ZNF559: variants seen among roughly 807,000 people sequenced by gnomAD.
ZNF559 encodes the protein putative protein product of Nbla00121.
A neutral mutation model predicts 14.2 loss-of-function variants in ZNF559; 17 were observed. The observed-to-expected ratio is 1.20, with a 90% CI of 0.82 to 1.80. ZNF559 has a LOEUF of 1.80. ZNF559 is among the 40% of genes most tolerant of loss of function. The pLI, the probability that ZNF559 is intolerant of heterozygous loss-of-function variation, is 0.00. For missense variants in ZNF559, 740 were observed against 629.7 expected, an observed-to-expected ratio of 1.18 and a Z score of -1.88; for synonymous variants, 244 against 212.4, an observed-to-expected ratio of 1.15 and a Z score of -1.29.
At chr19:9,324,115 C>T, upstream of ZNF559, 13 of 1,522,428 alleles carry the variant, frequency 8.5e-6, no homozygotes, top group South Asian at 1.4e-4. Flanking sequence ...GGCCCGGGAA[C>T]CCGAGGCCCC....
intron 1 of ZNF559, 88 bp downstream of exon 1, chr19:9,324,316 A>G: frequency 6.5e-7 from 1 of 1,535,046 alleles, no homozygotes; most frequent in Non-Finnish European, 8.7e-7. Context: ...TGCCCAGTGA[A>G]ATGGAGCCTG....
At chr19:9,334,832 A>G (rs967056029) in intron 2 of ZNF559, among the ~76,000 whole-genome samples, 2 of 152,160 alleles carry the variant, frequency 1.3e-5, no homozygotes, top group African/African-American at 4.8e-5. Flanking sequence ...GTTTTTTAGA[A>G]GTATAAAATT....
In ZNF559 at chr19:9,342,097, A is replaced by G. The variant is rs2067610467; in HGVS notation, c.646A>G (p.Lys216Glu). The change falls in exon 7 of 7, where the codon AAG becomes GAG. Residue 216 changes from lysine (K) to glutamate (E), a missense_variant. Transcript: ENST00000603380. ...TGGTGGAGAGAGACCATATACTCAT[A>G]AGGAGTATGTCGAAACCTTTTCTCA... ...IYGGERPYTH[K>E]EYVETFSHST... 6.2e-7 allele frequency: 1 copy of G among 1,613,380 alleles called. No individual in the cohort carries two copies. Among genetic ancestry groups the G allele is most frequent in the African/African-American group, 1.3e-5 (1 of 75,000 alleles).
chr19:9,329,658 G>C (rs910192788), intron 2 of ZNF559, among the ~76,000 whole-genome samples: 2 of 152,108 alleles, frequency 1.3e-5, no homozygotes, highest in African/African-American at 4.8e-5. Flanking sequence ...CCAGGAGATA[G>C]TTGGATCTTG....
At chr19:9,327,873 C>A (rs558315965) in intron 2 of ZNF559, among the ~76,000 whole-genome samples, 32 of 152,248 alleles carry the variant, frequency 2.1e-4, no homozygotes, top group Admixed American at 1.1e-3. Context: ...TGACACAACT[C>A]TACTAATCTG....
At position 9,339,160 on chromosome 19, in the gene ZNF559, T is replaced by G. The variant is rs1441888604; in HGVS notation, c.34-33T>G. On this transcript the variant is annotated intron_variant, in intron 4 of 6. Coordinates refer to ENST00000603380, the MANE Select transcript of ZNF559 (RefSeq NM_032497.3). ...CCAGTCAACATAGTGGAGAACGTAC[T>G]TGCCTGACGCCAGCATGTGTGTGAT... The G allele has an allele frequency of 2.5e-6, 4 of 1,612,066 alleles. No individual in the cohort carries two copies. In the African/African-American group the frequency reaches 5.3e-5, roughly 22 times the overall value.
intron 2 of ZNF559, among the ~76,000 whole-genome samples, chr19:9,326,868 A>G (rs2066634957): frequency 6.6e-6 from 1 of 152,214 alleles, no homozygotes; most frequent in Admixed American, 6.5e-5. Context: ...TAGATTAACA[A>G]ACCCAGGTTG....
In ZNF559 at chr19:9,325,472, T is replaced by G. The variant is rs141528003; in HGVS notation, c.-120+692T>G. 2.4e-3 allele frequency among the ~76,000 whole-genome samples: 366 copies of G among 150,896 alleles called. 5 individuals carry two copies. Among genetic ancestry groups the G allele is most frequent in the African/African-American group, 8.5e-3 (347 of 40,956 alleles). On this transcript the variant is annotated intron_variant, in intron 2 of 6. Coordinates refer to ENST00000603380, the MANE Select transcript of ZNF559 (RefSeq NM_032497.3). The stretch of plus-strand genomic sequence containing the variant: ...GAAGAAAAAAAAACAAATACTGATC[T>G]AGAGAACATCTGTAGCTCGAGTAAA...
At position 9,342,648 on chromosome 19, in the gene ZNF559, C is replaced by T. The variant is rs2067636056; in HGVS notation, c.1197C>T (p.His399=). ...AFINSSSFKS[H]MQTHPGVKPY... is the part of the protein sequence containing the mutation. ...TTAATTCCTCTTCCTTTAAAAGTCA[C>T]ATGCAGACTCATCCTGGTGTAAAAC... Residue 399 remains histidine, a synonymous_variant, in exon 7 of 7, where the codon CAC becomes CAT. Coordinates refer to ENST00000603380, the MANE Select transcript of ZNF559 (RefSeq NM_032497.3). The T allele has an allele frequency of 1.9e-6, 3 of 1,614,116 alleles. No homozygotes were observed. The highest frequency in any genetic ancestry group is 3.3e-4 in the Middle Eastern group (2 of 6,060).
chr19:9,326,014 CAA>C (rs1465068765), intron 2 of ZNF559, among the ~76,000 whole-genome samples: 1 of 151,790 alleles, frequency 6.6e-6, no homozygotes, highest in Admixed American at 6.6e-5. Context: ...CCCAGCTGTC[CAA>C]AAGTCACCAT....
chr19:9,343,372 GAA>G lies in ZNF559; in HGVS notation c.*306_*307del, dbSNP rs1568370515. 7 of 1,133,118 alleles carry G rather than the reference GAA, an allele frequency of 6.2e-6. No individual in the cohort carries two copies. The highest frequency in any genetic ancestry group is 7.6e-6 in the Non-Finnish European group (7 of 921,770). The allele number at this position is 1,133,118 out of a possible 1,614,324, so 70.2% of individuals were successfully genotyped here. On this transcript the variant is annotated 3_prime_UTR_variant, in exon 7 of 7. Transcript: ENST00000603380. ...AGTCTGTTTGAACTCATGCTGGAGA[GAA>G]ATGCTATGAATGTGAGGAAGGTGGA...
At position 9,342,098 on chromosome 19, in the gene ZNF559, A is replaced by C; in HGVS notation, c.647A>C (p.Lys216Thr). 2 of 1,613,398 alleles carry C rather than the reference A, an allele frequency of 1.2e-6. No individual in the cohort carries two copies. The highest frequency in any genetic ancestry group is 8.5e-7 in the Non-Finnish European group (1 of 1,179,800). ...GGTGGAGAGAGACCATATACTCATAAGGAGTATGTCGAAACCTTTTCTCAT... is the reference window on the plus strand; with the variant it reads ...GGTGGAGAGAGACCATATACTCATACGGAGTATGTCGAAACCTTTTCTCAT... ...IYGGERPYTH[K>T]EYVETFSHST... Residue 216 changes from lysine (K) to threonine (T), a missense_variant, in exon 7 of 7, where the codon AAG (lysine) becomes ACG (threonine). Transcript: ENST00000603380.
chr19:9,324,395 C>T, intron 1 of ZNF559, 167 bp downstream of exon 1: 1 of 1,480,386 alleles, frequency 6.8e-7, no homozygotes, highest in South Asian at 1.3e-5. Flanking sequence ...CCTCTGAGAG[C>T]CACAGTCAGG....
Position 9,343,956 on chromosome 19 carries a change from AT to A in ZNF559, c.*892del. The A allele has an allele frequency of 2.7e-6, 1 of 363,828 alleles. No individual in the cohort carries two copies. The highest frequency in any genetic ancestry group is 3.8e-6 in the Non-Finnish European group (1 of 262,134). 22.5% of individuals were successfully genotyped at this position (363,828 alleles called of 1,614,324 possible). ...CTACACTTCCCTAGTCTTTAAAACA[AT>A]TTTAGGCTGGGTGCAGTGGCTCATT... is the stretch of plus-strand genomic sequence containing the variant. On this transcript the variant is annotated 3_prime_UTR_variant, in exon 7 of 7. Transcript: ENST00000603380.
At chr19:9,331,724 A>G (rs1436652087) in intron 2 of ZNF559, among the ~76,000 whole-genome samples, 3 of 152,216 alleles carry the variant, frequency 2.0e-5, no homozygotes, top group African/African-American at 7.2e-5. Flanking sequence ...TGCAATTATT[A>G]GCTTGATTAT....
chr19:9,327,138 T>C (rs561119246), intron 2 of ZNF559, among the ~76,000 whole-genome samples: 127 of 152,370 alleles, frequency 8.3e-4, no homozygotes, highest in African/African-American at 2.6e-3. Context: ...TGTATAGTCA[T>C]GTTTTTCTTA....
At chr19:9,329,660 T>C (rs941806325) in intron 2 of ZNF559, among the ~76,000 whole-genome samples, 1 of 152,162 alleles carries the variant, frequency 6.6e-6, no homozygotes, top group Non-Finnish European at 1.5e-5. Flanking sequence ...AGGAGATAGT[T>C]GGATCTTGTT....
intron 2 of ZNF559, among the ~76,000 whole-genome samples, chr19:9,329,087 G>A (rs200333024): frequency 4.1e-5 from 1 of 24,490 alleles, no homozygotes; most frequent in African/African-American, 3.2e-4. Flanking sequence ...TTTTTGGGCT[G>A]GGGGTTTGAA....
At chr19:9,325,786 C>A (rs1478010318) in intron 2 of ZNF559, among the ~76,000 whole-genome samples, 3 of 139,154 alleles carry the variant, frequency 2.2e-5, no homozygotes, top group African/African-American at 2.7e-5. Context: ...ACTCCGTCTC[C>A]AAAAAAAAAA....
Sources: allele counts gnomAD v4.1 joint callset (sites outside exome capture counted in the v4.1 genomes callset), GRCh38; gene constraint gnomAD v4.1.1; transcripts MANE v1.5; gene names NCBI Gene and HGNC (gene_info 2026-07-23, HGNC 2026-07-21).